UPK1A: variants seen among roughly 807,000 people sequenced by gnomAD.
The protein encoded by UPK1A is uroplakin 1A, also known as uroplakin-1a.
A neutral mutation model predicts 32.3 loss-of-function variants in UPK1A; 31 were observed. The ratio of observed to expected loss-of-function variants is 0.96; its 90% CI spans 0.72 to 1.30. The LOEUF (loss-of-function observed/expected upper bound fraction) is 1.30, where lower values mean the gene tolerates loss of function less well. UPK1A is among the 50% of genes most tolerant of loss of function. UPK1A has a pLI of 0.00. For missense variants in UPK1A, 340 were observed against 357.4 expected (o/e 0.95, Z 0.39); for synonymous variants, 135 against 137.1 (o/e 0.98, Z 0.11).
chr19:35,666,825 G>A, exon 2 of UPK1A: 1 of 1,614,168 alleles, frequency 6.2e-7, no homozygotes, highest in Non-Finnish European at 8.5e-7. Context: ...GGCGTCTGCG[G>A]CAGCAGCGGA....
At chr19:35,673,339 C>G (rs1316455858) in intron 4 of UPK1A, 33 bp downstream of exon 4, 1 of 1,613,252 alleles carries the variant, frequency 6.2e-7, no homozygotes, top group Admixed American at 1.7e-5. Flanking sequence ...AGGGGCCTGA[C>G]CTGCATGGGA....
At chr19:35,676,195 C>CTTTCTTTCTTTCTTTCT in intron 6 of UPK1A, 176 bp downstream of exon 6, 2 of 589,686 alleles carry the variant, frequency 3.4e-6, no homozygotes, top group South Asian at 2.8e-5. Flanking sequence ...TTCTTTCTTT[C>CTTTCTTTCTTTCTTTCT]TTTTTTTTTT....
At chr19:35,674,593 G>C (rs577966791) in intron 5 of UPK1A, among the ~76,000 whole-genome samples, 1 of 151,980 alleles carries the variant, frequency 6.6e-6, no homozygotes, top group African/African-American at 2.4e-5. Context: ...AAGGGAGATC[G>C]GCCTTTTAGT....
At chr19:35,671,961 G>A (rs1223312006) in intron 3 of UPK1A, among the ~76,000 whole-genome samples, 1 of 152,086 alleles carries the variant, frequency 6.6e-6, no homozygotes, top group African/African-American at 2.4e-5. Flanking sequence ...AAATACTGGA[G>A]CACACATTTC....
chr19:35,666,887 CATT>C (rs1179788215), exon 2 of UPK1A: 8 of 1,613,932 alleles, frequency 5.0e-6, no homozygotes, highest in Non-Finnish European at 6.8e-6. Flanking sequence ...TGGGCAATAT[CATT>C]ATTCTGGTGA....
At chr19:35,673,208 G>A (rs1315044248) in intron 3 of UPK1A, 24 bp from the exon 4 acceptor site, 2 of 1,612,964 alleles carry the variant, frequency 1.2e-6, no homozygotes, top group Middle Eastern at 1.7e-4. Flanking sequence ...TGCCCGACGG[G>A]CCGTCCTCCC....
chr19:35,666,864 G>T (rs1180970940), exon 2 of UPK1A: 10 of 1,614,098 alleles, frequency 6.2e-6, no homozygotes, highest in Non-Finnish European at 8.5e-6. Flanking sequence ...AGTTGTGGTG[G>T]GCCTGCTAGT....
chr19:35,672,181 A>G (rs1968112350), intron 3 of UPK1A, among the ~76,000 whole-genome samples: 2 of 152,186 alleles, frequency 1.3e-5, no homozygotes, highest in African/African-American at 4.8e-5. Context: ...ACAACCCACC[A>G]AATTCAATCA....
intron 4 of UPK1A, 43 bp from the exon 5 acceptor site, chr19:35,673,395 C>G: frequency 6.2e-7 from 1 of 1,611,118 alleles, no homozygotes; most frequent in Non-Finnish European, 8.5e-7. Context: ...TCCTCTCTCC[C>G]CACCCAGCCC....
In UPK1A at chr19:35,675,726, A is replaced by G. The variant is rs777046081; in HGVS notation, c.469-114A>G. ...CGCTTGGAGGCCCAGGACATGGGGA[A>G]GTTGGGCCCAGCTGTGTCAAAGGCC... On this transcript the variant is annotated intron_variant, in intron 5 of 7. Transcript: ENST00000617999. The G allele has an allele frequency of 8.7e-5, 109 of 1,252,930 alleles. 1 individual carries two copies. Among genetic ancestry groups the G allele is most frequent in the Non-Finnish European group, 1.2e-4 (107 of 926,980 alleles). 77.6% of individuals were successfully genotyped at this position (1,252,930 alleles called of 1,614,324 possible).
At chr19:35,676,628 A>G (rs1381959936) in intron 6 of UPK1A, among the ~76,000 whole-genome samples, 2 of 150,706 alleles carry the variant, frequency 1.3e-5, no homozygotes, top group African/African-American at 4.9e-5. Context: ...GCCGGGCGCG[A>G]TGGCTCATGC....
intron 2 of UPK1A, 143 bp downstream of exon 2, chr19:35,667,039 C>T (rs1359172680): frequency 9.3e-6 from 7 of 748,880 alleles, no homozygotes; most frequent in South Asian, 5.0e-5. Context: ...AATCCCAGCT[C>T]TGCCTCTCCC....
Position 35,677,827 on chromosome 19 carries a change from A to G in UPK1A, c.664A>G (p.Ile222Val), listed in dbSNP as rs771465174. 2.5e-6 allele frequency: 4 copies of G among 1,611,972 alleles called. No homozygotes were observed. The highest frequency in any genetic ancestry group is 1.3e-5 in the African/African-American group (1 of 74,916). ...CCCTGCCCAGGGCTGCTTCGAACAC[A>G]TCGGCCACGCCATCGACAGCTACAC... Residue 222 changes from isoleucine (I) to valine (V), a missense_variant, in exon 7 of 8, where the codon ATC (isoleucine) becomes GTC (valine). Physicochemically the swap from Ile to Val is conservative, Grantham distance 29. Transcript: ENST00000617999.
At chr19:35,671,367 A>G (rs1450024703) in intron 3 of UPK1A, among the ~76,000 whole-genome samples, 4 of 117,336 alleles carry the variant, frequency 3.4e-5, no homozygotes, top group Admixed American at 8.4e-5. Flanking sequence ...AGCCTGGGCG[A>G]CAGAGCAAGA....
chr19:35,672,765 C>T (rs956349557), intron 3 of UPK1A, among the ~76,000 whole-genome samples: 1 of 151,530 alleles, frequency 6.6e-6, no homozygotes, highest in Non-Finnish European at 1.5e-5. Context: ...TTTTTTGTAG[C>T]GACGGGGTCT....
In UPK1A at chr19:35,677,794, C is replaced by A. The variant is rs780959471; in HGVS notation, c.649-18C>A. 1 of 1,611,928 alleles carries A rather than the reference C, an allele frequency of 6.2e-7. No homozygotes were observed. The highest frequency in any genetic ancestry group is 8.5e-7 in the Non-Finnish European group (1 of 1,179,964). On this transcript the variant is annotated intron_variant, in intron 6 of 7. Coordinates refer to ENST00000617999, the Ensembl canonical transcript of UPK1A. ...CCTCATGGGCGTCTTCTCAAACTTCCCCCATCCCCCTGCCCAGGGCTGCTT... is the reference window on the plus strand; with the variant it reads ...CCTCATGGGCGTCTTCTCAAACTTCACCCATCCCCCTGCCCAGGGCTGCTT...
At chr19:35,668,820 G>A in intron 3 of UPK1A, 166 bp downstream of exon 3, 1 of 786,172 alleles carries the variant, frequency 1.3e-6, no homozygotes, top group Non-Finnish European at 2.0e-6. Context: ...CAATAACCCA[G>A]GCTTGAGTAG....
exon 5 of UPK1A, chr19:35,673,544 A>C: frequency 6.2e-7 from 1 of 1,613,180 alleles, no homozygotes. Flanking sequence ...GTCATGATTG[A>C]GGTGGGCGGG....
chr19:35,675,975 G>A (rs141672780), exon 6 of UPK1A: 1,609 of 1,613,840 alleles, frequency 1.0e-3, no homozygotes, highest in Non-Finnish European at 1.2e-3. Flanking sequence ...CCCCCTCAAC[G>A]AGGAGGGCTG....
Sources: allele counts gnomAD v4.1 joint callset (sites outside exome capture counted in the v4.1 genomes callset), GRCh38; gene constraint gnomAD v4.1.1; transcripts MANE v1.5; gene names NCBI Gene and HGNC (gene_info 2026-07-23, HGNC 2026-07-21).